The following CTCF variants were observed in gnomAD, a reference collection of about 807,000 sequenced individuals.
CTCF encodes CCCTC-binding factor.
Under a neutral mutation model 72.3 loss-of-function variants are expected in CTCF, and 7 were observed. The observed-to-expected ratio is 0.10, with a 90% confidence interval of 0.06 to 0.18. CTCF has a LOEUF of 0.18. Among genes scored for constraint, CTCF ranks in the 10% least tolerant of loss-of-function variants. CTCF has a pLI of 1.00. For synonymous variants in CTCF, 374 were observed against 315.8 expected (o/e 1.18, Z -1.95); for missense variants, 516 against 949.1 (o/e 0.54, Z 6.00).
chr16:67,567,870 G>A (rs927647639), intron 1 of CTCF: 2 of 148,612 alleles, frequency 1.3e-5, no homozygotes, highest in African/African-American at 2.5e-5. Flanking sequence ...GACGTTACAG[G>A]TGTGAGCCAC....
intron 2 of CTCF, among the ~76,000 whole-genome samples, chr16:67,584,643 TA>T (rs1195282020): frequency 6.6e-6 from 1 of 151,788 alleles, no homozygotes; most frequent in Non-Finnish European, 1.5e-5. Flanking sequence ...TTTTTTTTTT[TA>T]AACTGTAAAG....
chr16:67,603,300 G>A (rs1243820140), intron 2 of CTCF, among the ~76,000 whole-genome samples: 3 of 152,070 alleles, frequency 2.0e-5, no homozygotes, highest in Non-Finnish European at 4.4e-5. Flanking sequence ...GGAGGCTGAG[G>A]TGGGGGATCA....
Position 67,610,850 on chromosome 16 carries a change from C to A in CTCF, c.18C>A (p.Val6=). The A allele has an allele frequency of 6.7e-7, 1 of 1,485,570 alleles. No individual in the cohort carries two copies. The highest frequency in any genetic ancestry group is 1.5e-5 in the South Asian group (1 of 65,764). 92.0% of individuals were successfully genotyped at this position (1,485,570 alleles called of 1,614,324 possible). A position where few individuals can be genotyped will look rare whatever the true frequency, so the allele number is the denominator to read the frequency against. ...CAGGGGAAATGGAAGGTGATGCAGT[C>A]GAAGCCATTGTGGAGGAGTCCGAAA... MEGDA[V]EAIVEESETF... The change falls in exon 3 of 12, where the codon GTC becomes GTA. Residue 6 remains valine, a synonymous_variant. Transcript: ENST00000264010.
intron 2 of CTCF, among the ~76,000 whole-genome samples, chr16:67,591,233 A>G (rs1026267809): frequency 6.6e-6 from 1 of 152,122 alleles, no homozygotes; most frequent in Non-Finnish European, 1.5e-5. Context: ...CAGAGATTGC[A>G]GTGAGCCAAG....
At chr16:67,572,020 T>A (rs2142716867) in intron 2 of CTCF, among the ~76,000 whole-genome samples, 1 of 152,172 alleles carries the variant, frequency 6.6e-6, no homozygotes, top group African/African-American at 2.4e-5. Context: ...AATGTGAAAA[T>A]AATTTAATCG....
Position 67,626,660 on chromosome 16 carries a change from C to A in CTCF, c.1463C>A (p.Ser488Ter). The A allele has an allele frequency of 6.4e-7, 1 of 1,565,630 alleles. No homozygotes were observed. The highest frequency in any genetic ancestry group is 8.7e-7 in the Non-Finnish European group (1 of 1,154,554). The stretch of plus-strand genomic sequence containing the variant: ...TATGCCCTCATCCAGCATCAGAAGT[C>A]ACACAAGAATGAGAAGCGCTTTAAG... Reference protein sequence around the residue: ...ERYALIQHQKSHKNEKRFKCD... With the variant: ...ERYALIQHQK Residue 488 changes from serine to a stop codon, truncating the protein, a stop_gained, in exon 8 of 12, where the codon TCA becomes TAA. Transcript: ENST00000264010. LOFTEE classifies it high-confidence loss of function.
chr16:67,564,544 T>C (rs2142697194), intron 1 of CTCF, among the ~76,000 whole-genome samples: 1 of 152,336 alleles, frequency 6.6e-6, no homozygotes, highest in South Asian at 2.1e-4. Context: ...CTAAATGCAG[T>C]AGCGTTGATT....
At chr16:67,563,480 A>G (rs980587705) in intron 1 of CTCF, 3 of 151,950 alleles carry the variant, frequency 2.0e-5, no homozygotes, top group Non-Finnish European at 2.9e-5. Context: ...TCGCACCTCT[A>G]CGCTGCCTGA....
chr16:67,631,154 G>GTTTGTTTTT (rs2052357243), intron 10 of CTCF, among the ~76,000 whole-genome samples: 1 of 125,020 alleles, frequency 8.0e-6, no homozygotes, highest in African/African-American at 3.4e-5. Context: ...TTCTTTGTTT[G>GTTTGTTTTT]TTTTTTTTTT....
chr16:67,611,204 A>G lies in CTCF; in HGVS notation c.372A>G (p.Val124=). The change falls in exon 3 of 12, where the codon GTA becomes GTG. Residue 124 remains valine (V), a synonymous_variant. Transcript: ENST00000264010. The part of the protein sequence containing the change: ...QLVQVPVPVT[V]PVATTSVEEL... ...TTCAAGTACCTGTTCCTGTGACTGT[A>G]CCTGTTGCTACCACTTCAGTAGAAG... 1 of 1,614,164 alleles carries G rather than the reference A, an allele frequency of 6.2e-7. No individual in the cohort carries two copies. The highest frequency in any genetic ancestry group is 1.1e-5 in the South Asian group (1 of 91,076).
intron 10 of CTCF, among the ~76,000 whole-genome samples, chr16:67,631,719 T>G (rs972886483): frequency 8.2e-6 from 1 of 121,720 alleles, no homozygotes; most frequent in Non-Finnish European, 1.6e-5. Flanking sequence ...TTAAATGGAG[T>G]ATCCGTTTTA....
intron 2 of CTCF, among the ~76,000 whole-genome samples, chr16:67,586,088 T>A (rs1411579137): frequency 6.6e-6 from 1 of 152,200 alleles, no homozygotes; most frequent in Non-Finnish European, 1.5e-5. Flanking sequence ...ATTACTTGTT[T>A]TAATCATCTT....
intron 7 of CTCF, 81 bp from the exon 8 acceptor site, chr16:67,626,470 AAAAG>A (rs1376030828): frequency 5.8e-6 from 6 of 1,039,246 alleles, no homozygotes; most frequent in African/African-American, 4.9e-5. Flanking sequence ...AAAAAAAAAA[AAAAG>A]AATCGAGAAA....
intron 2 of CTCF, among the ~76,000 whole-genome samples, chr16:67,594,442 A>G (rs949539302): frequency 1.5e-4 from 23 of 151,572 alleles, no homozygotes; most frequent in African/African-American, 5.6e-4. Flanking sequence ...GCTCATGCCT[A>G]TATTCTCAGC....
At chr16:67,604,742 T>TTG (rs2051948509) in intron 2 of CTCF, among the ~76,000 whole-genome samples, 1 of 125,166 alleles carries the variant, frequency 8.0e-6, no homozygotes, top group Admixed American at 7.2e-5. Context: ...TTTTTTTTTT[T>TTG]TTGTTTTTTG....
intron 10 of CTCF, among the ~76,000 whole-genome samples, chr16:67,632,986 G>T (rs2052384743): frequency 6.6e-6 from 1 of 152,196 alleles, no homozygotes; most frequent in Non-Finnish European, 1.5e-5. Context: ...AAGCTCTTTG[G>T]CTGCCTGCAG....
intron 2 of CTCF, among the ~76,000 whole-genome samples, chr16:67,575,921 G>A (rs1162614331): frequency 6.6e-6 from 1 of 151,312 alleles, no homozygotes; most frequent in African/African-American, 2.4e-5. Flanking sequence ...ATGTTGCAAG[G>A]GATATAAAAC....
At chr16:67,587,390 C>T (rs9941171) in intron 2 of CTCF, among the ~76,000 whole-genome samples, 10 of 152,008 alleles carry the variant, frequency 6.6e-5, no homozygotes, top group African/African-American at 2.4e-4. Flanking sequence ...CTTTACAGGA[C>T]AACCCCTTTA....
At chr16:67,606,254 C>G (rs1228481437) in intron 2 of CTCF, among the ~76,000 whole-genome samples, 1 of 152,188 alleles carries the variant, frequency 6.6e-6, no homozygotes, top group Non-Finnish European at 1.5e-5. Flanking sequence ...GAAATCCAAA[C>G]CTTTCCCCTA....
Sources: allele counts gnomAD v4.1 joint callset (sites outside exome capture counted in the v4.1 genomes callset), GRCh38; gene constraint gnomAD v4.1.1; transcripts MANE v1.5; gene names NCBI Gene and HGNC (gene_info 2026-07-23, HGNC 2026-07-21).